Variants in CREM observed in about 807,000 individuals in gnomAD.
CREM encodes the protein cAMP responsive element modulator.
In CREM, 13 loss-of-function variants were observed where a neutral mutation model predicts 37.3. That is an observed-to-expected ratio of 0.35 (90% confidence interval 0.23 to 0.55). CREM has a LOEUF of 0.55. Among genes scored for constraint, CREM ranks in the 20% least tolerant of loss-of-function variants. The pLI, the probability that CREM is intolerant of heterozygous loss-of-function variation, is 0.88. For missense variants in CREM, 296 were observed against 362.3 expected (o/e 0.82, Z 1.49); for synonymous variants, 124 against 120.2 (o/e 1.03, Z -0.21).
chr10:35,197,380 A>G (rs1166497803), intron 6 of CREM, among the ~76,000 whole-genome samples: 1 of 151,732 alleles, frequency 6.6e-6, no homozygotes, highest in Non-Finnish European at 1.5e-5. Context: ...AATCAGTGCT[A>G]TTTGAAAAAT....
At position 35,206,916 on chromosome 10, in the gene CREM, C is replaced by G. The variant is rs1465579616; in HGVS notation, c.620C>G (p.Thr207Ser). Reference protein sequence around the residue: ...VVQAATGDMPTYQIRAPTAAL... With the variant: ...VVQAATGDMPSYQIRAPTAAL... ...GCAGCTGCCACTGGTGACATGCCAA[C>G]TTACCAGATCCGAGCTCCTACTGCT... The change falls in exon 7 of 8, where the codon ACT becomes AGT. Residue 207 changes from threonine (T) to serine (S), a missense_variant. Physicochemically the swap from Thr to Ser is moderately conservative, Grantham distance 58. Around this residue, in one of 2 missense-constraint regions of CREM, gnomAD observed 257 missense variants for 280.2 expected, o/e 0.92. Transcript: ENST00000685392. The G allele has an allele frequency of 5.0e-6, 8 of 1,613,694 alleles. No individual in the cohort carries two copies. The highest frequency in any genetic ancestry group is 6.8e-6 in the Non-Finnish European group (8 of 1,179,978).
At chr10:35,128,204 G>T (rs1589112339) in intron 1 of CREM, among the ~76,000 whole-genome samples, 2 of 152,170 alleles carry the variant, frequency 1.3e-5, no homozygotes, top group African/African-American at 4.8e-5. Flanking sequence ...AAATCACTTA[G>T]GGGTTTCCTG....
At chr10:35,179,392 C>A in intron 5 of CREM, 116 bp downstream of exon 5, 1 of 1,117,274 alleles carries the variant, frequency 9.0e-7, no homozygotes, top group Non-Finnish European at 1.3e-6. Flanking sequence ...ATCATTAATA[C>A]CTAAACTGTA....
intron 6 of CREM, among the ~76,000 whole-genome samples, chr10:35,191,123 A>T (rs2094901326): frequency 2.5e-5 from 2 of 80,362 alleles, no homozygotes; most frequent in South Asian, 8.9e-4. Context: ...TTTAAGTTTT[A>T]GGGAACAGTT....
At chr10:35,211,001 TACCAGTGG>T (rs1382774857) in intron 7 of CREM, among the ~76,000 whole-genome samples, 4 of 152,264 alleles carry the variant, frequency 2.6e-5, no homozygotes, top group Admixed American at 6.5e-5. Flanking sequence ...TGGGCATTGT[TACCAGTGG>T]AATGTGTGCC....
At chr10:35,145,478 CA>C (rs2091968170) in intron 2 of CREM, among the ~76,000 whole-genome samples, 1 of 152,234 alleles carries the variant, frequency 6.6e-6, no homozygotes, top group East Asian at 1.9e-4. Flanking sequence ...TCACATATAT[CA>C]CATGATTCAA....
intron 6 of CREM, among the ~76,000 whole-genome samples, chr10:35,190,515 C>T (rs2094864772): frequency 1.3e-5 from 2 of 152,142 alleles, no homozygotes. Flanking sequence ...TTTGTTATCT[C>T]ATAAAACAAG....
rs931527637 is a variant in CREM at position 35,148,282 on chromosome 10, G to A, written c.45-86G>A. On this transcript the variant is annotated intron_variant, in intron 2 of 7. Coordinates refer to ENST00000685392, the MANE Select transcript of CREM (RefSeq NM_183011.2). ...AGATTTTGGAGCATTTCAGATTTTG[G>A]ATTTTTGGATTAGGGATGTTCAACC... The A allele has an allele frequency of 2.2e-6, 3 of 1,355,832 alleles. No homozygotes were observed. In the Admixed American group the frequency reaches 7.7e-5, roughly 35 times the overall value. 84.0% of individuals were successfully genotyped at this position (1,355,832 alleles called of 1,614,324 possible). A position where few individuals can be genotyped will look rare whatever the true frequency, so the allele number is the denominator to read the frequency against.
intron 3 of CREM, chr10:35,167,856 AGG>A: frequency 6.7e-7 from 1 of 1,490,838 alleles, no homozygotes; most frequent in Non-Finnish European, 9.3e-7. Flanking sequence ...TTGTGAAAAG[AGG>A]GGTAAAAATT....
At chr10:35,208,320 ATC>A (rs1321606377) in intron 7 of CREM, among the ~76,000 whole-genome samples, 26 of 152,112 alleles carry the variant, frequency 1.7e-4, no homozygotes, top group Non-Finnish European at 4.4e-5. Flanking sequence ...CTTGCTCCAT[ATC>A]TCTGTCATTT....
chr10:35,207,229 A>C (rs1588900229), intron 7 of CREM, among the ~76,000 whole-genome samples, 178 bp downstream of exon 7: 2 of 151,198 alleles, frequency 1.3e-5, no homozygotes, highest in Non-Finnish European at 3.0e-5. Context: ...CATCTCTACT[A>C]AAAAATACAA....
At chr10:35,129,858 T>C (rs1021162139) in intron 1 of CREM, among the ~76,000 whole-genome samples, 12 of 152,216 alleles carry the variant, frequency 7.9e-5, no homozygotes, top group Non-Finnish European at 1.5e-4. Context: ...ATAGTTATTA[T>C]TGTACATTGA....
At chr10:35,169,314 A>C (rs1172146626) in intron 3 of CREM, among the ~76,000 whole-genome samples, 1 of 152,164 alleles carries the variant, frequency 6.6e-6, no homozygotes, top group Non-Finnish European at 1.5e-5. Flanking sequence ...GGTCCTTCAC[A>C]TCCCTTGTAA....
chr10:35,130,922 T>C (rs1276479730), intron 1 of CREM, among the ~76,000 whole-genome samples: 1 of 152,242 alleles, frequency 6.6e-6, no homozygotes, highest in African/African-American at 2.4e-5. Context: ...TGATATCTAT[T>C]TGCACATTTC....
At chr10:35,193,156 G>C (rs1458969345) in intron 6 of CREM, among the ~76,000 whole-genome samples, 1 of 152,126 alleles carries the variant, frequency 6.6e-6, no homozygotes, top group Non-Finnish European at 1.5e-5. Context: ...TTGCTAGATG[G>C]TAAGTTCTAT....
intron 3 of CREM, among the ~76,000 whole-genome samples, chr10:35,149,994 T>C (rs575113023): frequency 1.5e-4 from 22 of 149,522 alleles, no homozygotes; most frequent in Middle Eastern, 3.6e-3. Flanking sequence ...AAATGAAGAA[T>C]ATAAAAACTA....
intron 3 of CREM, among the ~76,000 whole-genome samples, chr10:35,170,512 TG>T (rs2093761250): frequency 6.6e-6 from 1 of 152,206 alleles, no homozygotes; most frequent in Non-Finnish European, 1.5e-5. Context: ...AGAATTCGGC[TG>T]TGAATCCATC....
intron 3 of CREM, among the ~76,000 whole-genome samples, chr10:35,172,284 T>C (rs1174639211): frequency 1.3e-5 from 2 of 152,220 alleles, no homozygotes; most frequent in African/African-American, 2.4e-5. Context: ...TTCTTTAAGC[T>C]GAAAGCCAGG....
intron 3 of CREM, among the ~76,000 whole-genome samples, chr10:35,157,989 A>G (rs1400763730): frequency 6.6e-6 from 1 of 152,228 alleles, no homozygotes; most frequent in African/African-American, 2.4e-5. Context: ...TCTATTTACA[A>G]TAGCTATGAA....
Sources: allele counts gnomAD v4.1 joint callset (sites outside exome capture counted in the v4.1 genomes callset), GRCh38; gene constraint gnomAD v4.1.1; regional missense constraint gnomAD v4.1.1; transcripts MANE v1.5; gene names NCBI Gene and HGNC (gene_info 2026-07-23, HGNC 2026-07-21).